The following PABPC1L variants were observed in gnomAD, a reference collection of about 807,000 sequenced individuals.
The protein encoded by PABPC1L is poly(A) binding protein cytoplasmic 1 like.
A neutral mutation model predicts 66.6 loss-of-function variants in PABPC1L; 31 were observed. The observed-to-expected ratio is 0.47, with a 90% CI of 0.35 to 0.63. The LOEUF (loss-of-function observed/expected upper bound fraction) is 0.63, where lower values mean the gene tolerates loss of function less well. Ranked by LOEUF, PABPC1L falls within the 20% of genes least tolerant of loss-of-function variation. PABPC1L has a pLI of 0.00. For synonymous variants in PABPC1L, 348 were observed against 335.1 expected, an observed-to-expected ratio of 1.04 and a Z score of -0.42; for missense variants, 722 against 848.8, an observed-to-expected ratio of 0.85 and a Z score of 1.86.
At position 44,914,355 on chromosome 20, in the gene PABPC1L, C is replaced by T. The variant is rs551660871; in HGVS notation, c.387+1502C>T. Reference sequence around the variant, plus strand: ...CTGAGTAGCTGGGACTACAGGTGCCCGCCACCACGCCCAGCTAATTTTTTT... The same window carrying T: ...CTGAGTAGCTGGGACTACAGGTGCCTGCCACCACGCCCAGCTAATTTTTTT... On this transcript the variant is annotated intron_variant, in intron 2 of 14. Transcript: ENST00000217073. Among the ~76,000 whole-genome samples, 16 of 151,966 alleles carry T rather than the reference C, an allele frequency of 1.1e-4. No homozygotes were observed. The South Asian group carries it at 1.5e-3, about 14-fold the overall frequency.
At chr20:44,927,569 G>A (rs1286514925) in intron 7 of PABPC1L, among the ~76,000 whole-genome samples, 1 of 151,820 alleles carries the variant, frequency 6.6e-6, no homozygotes, top group African/African-American at 2.4e-5. Flanking sequence ...GGCTGGTCTC[G>A]AACTTCTGAC....
At chr20:44,930,282 G>A (rs1054532278) in intron 7 of PABPC1L, among the ~76,000 whole-genome samples, 178 bp from the exon 8 acceptor site, 3 of 152,106 alleles carry the variant, frequency 2.0e-5, no homozygotes, top group Admixed American at 6.5e-5. Context: ...AAACGGGGGT[G>A]CACACTACAT....
Position 44,930,616 on chromosome 20 carries a change from A to G in PABPC1L, c.1129A>G (p.Ile377Val). The change falls in exon 8 of 15, where the codon ATC becomes GTC. Residue 377 changes from isoleucine to valine, a missense_variant. Around this residue, in one of 3 missense-constraint regions of PABPC1L, gnomAD observed 301 missense variants for 337.2 expected, o/e 0.89. Transcript: ENST00000217073. ...LAQRKEERKAILTNQYMQRLS... is the reference protein window; with the variant it reads ...LAQRKEERKAVLTNQYMQRLS... ...CCAGCGCAAAGAGGAGCGGAAGGCC[A>G]TCTTGACCAACCAGTACATGCAGCG... 1 of 1,614,246 alleles carries G rather than the reference A, an allele frequency of 6.2e-7. No homozygotes were observed. The highest frequency in any genetic ancestry group is 2.2e-5 in the East Asian group (1 of 44,876).
intron 7 of PABPC1L, among the ~76,000 whole-genome samples, chr20:44,925,006 GATCGAGACC>G (rs2066799428): frequency 6.9e-6 from 1 of 145,856 alleles, no homozygotes; most frequent in African/African-American, 2.8e-5. Flanking sequence ...GAGGTCAGGA[GATCGAGACC>G]ATCCTCGCTA....
chr20:44,916,926 C>T, intron 3 of PABPC1L, 55 bp downstream of exon 3: 14 of 1,527,202 alleles, frequency 9.2e-6, no homozygotes, highest in Non-Finnish European at 1.2e-5. Flanking sequence ...AAGCATGGCA[C>T]CACCGACTAG....
At chr20:44,913,798 A>G (rs1333056114) in intron 2 of PABPC1L, among the ~76,000 whole-genome samples, 2 of 152,204 alleles carry the variant, frequency 1.3e-5, no homozygotes, top group Non-Finnish European at 2.9e-5. Flanking sequence ...GTGTGGCTAC[A>G]GGAAGGCCAT....
At chr20:44,923,606 G>A (rs1437449344) in intron 6 of PABPC1L, among the ~76,000 whole-genome samples, 1 of 151,742 alleles carries the variant, frequency 6.6e-6, no homozygotes, top group Admixed American at 6.6e-5. Flanking sequence ...TCCAGCCTAG[G>A]CAACAAGAGC....
rs184944540 is a variant in PABPC1L at position 44,918,956 on chromosome 20, C to T, written c.554C>T (p.Ala185Val). ...SRREREAELG[A>V]RALEFTNIYV... Reference sequence around the variant, plus strand: ...CGGGAGCGGGAGGCGGAGCTGGGGGCGCGGGCCCTGGAGTTCACCAACATC... The same window carrying T: ...CGGGAGCGGGAGGCGGAGCTGGGGGTGCGGGCCCTGGAGTTCACCAACATC... Residue 185 changes from alanine (A) to valine (V), a missense_variant, in exon 4 of 15, where the codon GCG becomes GTG. Transcript: ENST00000217073. 5.7e-3 allele frequency: 9,207 copies of T among 1,612,166 alleles called. 42 individuals carry two copies. The highest frequency in any genetic ancestry group is 6.7e-3 in the Non-Finnish European group (7,910 of 1,179,036).
In PABPC1L at chr20:44,910,081, G is replaced by T; in HGVS notation, c.-63G>T. 7.1e-7 allele frequency: 1 copy of T among 1,414,186 alleles called. No homozygotes were observed. The allele number at this position is 1,414,186 out of a possible 1,614,324, so 87.6% of individuals were successfully genotyped here. A position where few individuals can be genotyped will look rare whatever the true frequency, so the allele number is the denominator to read the frequency against. On this transcript the variant is annotated 5_prime_UTR_variant, in exon 1 of 15. Transcript: ENST00000217073. ...CAGGAAGGAGGGCTTCCGCCCGGGT[G>T]AGCGCGGGGCTGCTGGGTGACCCGG...
Position 44,930,612 on chromosome 20 carries a change from G to A in PABPC1L, c.1125G>A (p.Lys375=), listed in dbSNP as rs2066844927. The change falls in exon 8 of 15, where the codon AAG becomes AAA. Residue 375 remains lysine, a synonymous_variant. Transcript: ENST00000217073. ...VALAQRKEER[K]AILTNQYMQR... ...TGGCCCAGCGCAAAGAGGAGCGGAA[G>A]GCCATCTTGACCAACCAGTACATGC... 3 of 1,614,118 alleles carry A rather than the reference G, an allele frequency of 1.9e-6. No individual in the cohort carries two copies. Among genetic ancestry groups the A allele is most frequent in the Non-Finnish European group, 2.5e-6 (3 of 1,180,058 alleles).
chr20:44,936,862 G>A, intron 12 of PABPC1L, 132 bp downstream of exon 12: 1 of 932,970 alleles, frequency 1.1e-6, no homozygotes, highest in Non-Finnish European at 1.7e-6. Flanking sequence ...CCCCTACTGG[G>A]TGACCGTGGC....
rs2066871524 is a variant in PABPC1L at position 44,932,820 on chromosome 20, C to T, written c.1331-237C>T. On this transcript the variant is annotated intron_variant, in intron 9 of 14. Transcript: ENST00000217073. Reference sequence around the variant, plus strand: ...GGGACTAAGGTGTACAATCCTGGTGCTTATGCAGTTTGGGGCTCTAGGTAG... The same window carrying T: ...GGGACTAAGGTGTACAATCCTGGTGTTTATGCAGTTTGGGGCTCTAGGTAG... 7.2e-6 allele frequency: 4 copies of T among 559,384 alleles called. No homozygotes were observed. In the South Asian group the frequency reaches 8.7e-5, roughly 12 times the overall value. The allele number at this position is 559,384 out of a possible 1,614,324, so 34.7% of individuals were successfully genotyped here. A position where few individuals can be genotyped will look rare whatever the true frequency, so the allele number is the denominator to read the frequency against.
chr20:44,928,864 CAAAAAAAAAAAAAAAAAAAAA>C (rs2066829365), intron 7 of PABPC1L, among the ~76,000 whole-genome samples: 1 of 54,358 alleles, frequency 1.8e-5, no homozygotes, highest in Non-Finnish European at 3.0e-5. Context: ...GATCCTGACT[CAAAAAAAAAAAAAAAAAAAAA>C]GAAAAAAAAA....
intron 6 of PABPC1L, among the ~76,000 whole-genome samples, chr20:44,922,426 C>G (rs1045431405): frequency 6.6e-6 from 1 of 151,934 alleles, no homozygotes; most frequent in African/African-American, 2.4e-5. Flanking sequence ...TTAGTAGAGA[C>G]AGGGTTTCAC....
chr20:44,938,876 G>A, intron 14 of PABPC1L, 128 bp downstream of exon 14: 1 of 944,626 alleles, frequency 1.1e-6, no homozygotes, highest in Non-Finnish European at 1.6e-6. Context: ...CAAAGAGTTT[G>A]GAGGAAGTTG....
At chr20:44,924,137 C>G in intron 6 of PABPC1L, 24 bp from the exon 7 acceptor site, 8 of 1,579,492 alleles carry the variant, frequency 5.1e-6, no homozygotes, top group Non-Finnish European at 7.0e-6. Flanking sequence ...AAGGGGACAT[C>G]CAGCAGTTTC....
intron 5 of PABPC1L, among the ~76,000 whole-genome samples, chr20:44,919,713 A>AT (rs1763732048): frequency 6.6e-6 from 1 of 152,082 alleles, no homozygotes; most frequent in South Asian, 2.1e-4. Context: ...TCCAGATGTG[A>AT]TGGCTCATGC....
intron 2 of PABPC1L, among the ~76,000 whole-genome samples, chr20:44,913,446 C>G (rs1406854039): frequency 6.6e-6 from 1 of 151,908 alleles, no homozygotes; most frequent in Admixed American, 6.6e-5. Flanking sequence ...CAGTCTTACT[C>G]TGTTGCCTAG....
intron 7 of PABPC1L, among the ~76,000 whole-genome samples, chr20:44,929,091 T>C (rs1430475123): frequency 6.6e-6 from 1 of 151,170 alleles, no homozygotes; most frequent in Non-Finnish European, 1.5e-5. Context: ...ATTGCTGATC[T>C]CTACAAACTT....
Sources: allele counts gnomAD v4.1 joint callset (sites outside exome capture counted in the v4.1 genomes callset), GRCh38; gene constraint gnomAD v4.1.1; regional missense constraint gnomAD v4.1.1; transcripts MANE v1.5; gene names NCBI Gene and HGNC (gene_info 2026-07-23, HGNC 2026-07-21).